Variants in ZFHX3 observed in about 807,000 individuals in gnomAD.
ZFHX3 encodes the protein zinc finger homeobox 3.
Under a neutral mutation model 279.1 loss-of-function variants are expected in ZFHX3, and 42 were observed. The ratio of observed to expected loss-of-function variants is 0.15; its 90% CI spans 0.12 to 0.19. ZFHX3 has a LOEUF of 0.19. Among genes scored for constraint, ZFHX3 ranks in the 10% least tolerant of loss-of-function variants. The probability of loss-of-function intolerance (pLI) is 1.00; values close to 1 mark genes in which losing one functional copy is unlikely to be tolerated. For synonymous variants in ZFHX3, 2,293 were observed against 1,957.8 expected (o/e 1.17, Z -4.52); for missense variants, 4,981 against 4,754.0 (o/e 1.05, Z -1.40).
intron 2 of ZFHX3, among the ~76,000 whole-genome samples, chr16:73,514,433 A>G (rs2019486083): frequency 6.6e-6 from 1 of 152,062 alleles, no homozygotes; most frequent in Non-Finnish European, 1.5e-5. Flanking sequence ...CATATTTTCA[A>G]ATTTATTCTT....
chr16:73,779,987 AT>A (rs1959400300), intron 1 of ZFHX3, among the ~76,000 whole-genome samples: 1 of 52,244 alleles, frequency 1.9e-5, no homozygotes, highest in African/African-American at 1.5e-4. Context: ...AAAGCACTGG[AT>A]CCCAAGCCTT....
chr16:73,013,894 G>A (rs987051610), intron 1 of ZFHX3, among the ~76,000 whole-genome samples: 1 of 152,076 alleles, frequency 6.6e-6, no homozygotes, highest in Non-Finnish European at 1.5e-5. Flanking sequence ...AACAACCCCC[G>A]AAGACGCCCA....
At chr16:72,920,839 G>A (rs574886076) in intron 3 of ZFHX3, among the ~76,000 whole-genome samples, 2 of 152,148 alleles carry the variant, frequency 1.3e-5, no homozygotes, top group African/African-American at 4.8e-5. Context: ...GGAGGCCAAG[G>A]TGGGACGATT....
chr16:73,298,831 T>C (rs1372949761), intron 4 of ZFHX3, among the ~76,000 whole-genome samples: 1 of 152,230 alleles, frequency 6.6e-6, no homozygotes, highest in Middle Eastern at 3.2e-3. Context: ...GTTTCGTTAC[T>C]GATAGTGATG....
At position 72,798,284 on chromosome 16, in the gene ZFHX3, G is replaced by A. The variant is rs2143464708; in HGVS notation, c.4398C>T (p.Gly1466=). ...SEADIQQLYG[G]LLANGDLLAM... is the part of the protein sequence containing the mutation. ...CCAGGAGGTCCCCATTGGCCAGCAG[G>A]CCACCATAAAGCTGTTGGATGTCAG... The change falls in exon 9 of 10, where the codon GGC becomes GGT. Residue 1466 remains glycine, a synonymous_variant. Coordinates refer to ENST00000268489, the MANE Select transcript of ZFHX3 (RefSeq NM_006885.4). The A allele has an allele frequency of 1.2e-6, 2 of 1,614,176 alleles. No homozygotes were observed. The highest frequency in any genetic ancestry group is 1.7e-6 in the Non-Finnish European group (2 of 1,180,044).
intron 4 of ZFHX3, among the ~76,000 whole-genome samples, chr16:72,840,553 C>T (rs1470848063): frequency 6.6e-6 from 1 of 152,158 alleles, no homozygotes; most frequent in Non-Finnish European, 1.5e-5. Flanking sequence ...GTCTGACCAT[C>T]GAAACAAATG....
intron 2 of ZFHX3, among the ~76,000 whole-genome samples, chr16:72,953,576 C>T (rs1282712060): frequency 1.3e-5 from 2 of 152,058 alleles, no homozygotes; most frequent in Non-Finnish European, 2.9e-5. Context: ...AGCAGAGGAA[C>T]GAAGTCCCAG....
chr16:72,968,065 C>T (rs1384840942), intron 1 of ZFHX3, among the ~76,000 whole-genome samples: 1 of 151,470 alleles, frequency 6.6e-6, no homozygotes, highest in Non-Finnish European at 1.5e-5. Context: ...GCAGACACCA[C>T]CTTCATTGAG....
intron 2 of ZFHX3, among the ~76,000 whole-genome samples, chr16:73,478,307 C>G (rs57990484): frequency 1.4e-3 from 217 of 150,358 alleles, no homozygotes; most frequent in African/African-American, 5.1e-3. Context: ...GTACTAAAAG[C>G]CATATGACAT....
chr16:73,575,386 T>C (rs904051071), intron 2 of ZFHX3, among the ~76,000 whole-genome samples: 1 of 152,210 alleles, frequency 6.6e-6, no homozygotes, highest in Non-Finnish European at 1.5e-5. Flanking sequence ...TGTTTTGTCC[T>C]TTGTTTGTTT....
At chr16:73,527,265 T>C (rs753319485) in intron 2 of ZFHX3, among the ~76,000 whole-genome samples, 7 of 152,150 alleles carry the variant, frequency 4.6e-5, no homozygotes, top group Non-Finnish European at 1.0e-4. Context: ...ACTCAGGATG[T>C]GAAGGGTTGT....
At chr16:73,498,519 G>T (rs1418830564) in intron 2 of ZFHX3, among the ~76,000 whole-genome samples, 1 of 152,218 alleles carries the variant, frequency 6.6e-6, no homozygotes, top group Non-Finnish European at 1.5e-5. Context: ...CCCCTGAAGA[G>T]TTGAAGAAGG....
chr16:73,861,857 T>C (rs954252104), intron 1 of ZFHX3, among the ~76,000 whole-genome samples: 38 of 152,208 alleles, frequency 2.5e-4, no homozygotes, highest in African/African-American at 9.2e-4. Context: ...CACTAATACC[T>C]GATTACTACA....
chr16:72,906,376 T>TG (rs1167618278), intron 3 of ZFHX3, among the ~76,000 whole-genome samples: 5 of 151,676 alleles, frequency 3.3e-5, no homozygotes, highest in Middle Eastern at 3.4e-3. Flanking sequence ...ATGATCGCAC[T>TG]GGGGGGGCAT....
intron 1 of ZFHX3, among the ~76,000 whole-genome samples, chr16:73,835,844 AG>A (rs1961132793): frequency 6.6e-6 from 1 of 152,156 alleles, no homozygotes; most frequent in African/African-American, 2.4e-5. Context: ...CTCTTGAAGT[AG>A]TCAAGGGTGT....
chr16:73,882,144 C>G (rs2030188080), intron 1 of ZFHX3, among the ~76,000 whole-genome samples: 1 of 152,134 alleles, frequency 6.6e-6, no homozygotes. Context: ...TCCCCCCAAA[C>G]TGATCAATAA....
intron 1 of ZFHX3, among the ~76,000 whole-genome samples, chr16:73,863,382 G>T (rs1597148838): frequency 6.6e-6 from 1 of 152,134 alleles, no homozygotes; most frequent in African/African-American, 2.4e-5. Flanking sequence ...CAGGACTGAA[G>T]AGTGTGAACA....
chr16:73,143,360 G>C (rs1966852405), intron 6 of ZFHX3, among the ~76,000 whole-genome samples: 1 of 151,978 alleles, frequency 6.6e-6, no homozygotes, highest in Non-Finnish European at 1.5e-5. Flanking sequence ...ACGAGAAGTG[G>C]GAAGATTGAC....
chr16:73,159,263 C>T (rs976771488), intron 5 of ZFHX3, among the ~76,000 whole-genome samples: 11 of 152,104 alleles, frequency 7.2e-5, no homozygotes, highest in Admixed American at 2.0e-4. Flanking sequence ...TTTAGAAGAA[C>T]GTGATATATT....
Sources: gnomAD v4.1 joint callset for allele counts (sites outside exome capture counted in the v4.1 genomes callset) on GRCh38, gnomAD v4.1.1 for gene constraint, MANE v1.5 for transcripts, NCBI Gene and HGNC (gene_info 2026-07-23, HGNC 2026-07-21) for gene names.